Variants in ABCC4 observed in about 807,000 individuals in gnomAD.
ABCC4 encodes the protein ATP-binding cassette sub-family C member 4.
ABCC4 carries 102 observed loss-of-function variants against 168.5 expected under a neutral mutation model. The observed-to-expected ratio is 0.61, with a 90% confidence interval of 0.52 to 0.71. The LOEUF is 0.71. Ranked by LOEUF, ABCC4 falls within the 30% of genes least tolerant of loss-of-function variation. The pLI is 0.00. For missense variants in ABCC4, 1,402 were observed against 1,605.8 expected (o/e 0.87, Z 2.17); for synonymous variants, 617 against 590.7 (o/e 1.04, Z -0.65).
At chr13:95,100,903 C>G (rs2034779380) in intron 20 of ABCC4, among the ~76,000 whole-genome samples, 1 of 152,118 alleles carries the variant, frequency 6.6e-6, no homozygotes, top group Non-Finnish European at 1.5e-5. Context: ...CTCAAAATGA[C>G]AAAGTCATTG....
At chr13:95,131,637 A>C (rs2035968938) in intron 19 of ABCC4, among the ~76,000 whole-genome samples, 1 of 152,158 alleles carries the variant, frequency 6.6e-6, no homozygotes, top group South Asian at 2.1e-4. Flanking sequence ...AAAAAAAAAG[A>C]AGAGAAAAGA....
intron 20 of ABCC4, among the ~76,000 whole-genome samples, chr13:95,084,910 A>G (rs950977883): frequency 2.0e-5 from 3 of 152,214 alleles, no homozygotes; most frequent in African/African-American, 4.8e-5. Context: ...GATGATGCTC[A>G]TTTCAGTATT....
intron 9 of ABCC4, among the ~76,000 whole-genome samples, chr13:95,194,033 G>A (rs1457779861): frequency 2.0e-5 from 3 of 152,216 alleles, no homozygotes; most frequent in East Asian, 3.9e-4. Context: ...TGGTGCCATA[G>A]TAGTGGCGTC....
At chr13:95,275,612 TG>T (rs35693009) in intron 1 of ABCC4, among the ~76,000 whole-genome samples, 74,257 of 151,770 alleles carry the variant, frequency 0.49, 18,583 homozygotes, top group Non-Finnish European at 0.56. Context: ...CTCTTGGCGG[TG>T]ACTCTAGAAC....
At chr13:95,236,263 A>T (rs2039765428) in intron 3 of ABCC4, among the ~76,000 whole-genome samples, 1 of 152,216 alleles carries the variant, frequency 6.6e-6, no homozygotes, top group African/African-American at 2.4e-5. Context: ...TAGGCCCTCG[A>T]CATCATTTCC....
chr13:95,124,620 G>C lies in ABCC4; in HGVS notation c.2456-8619C>G, dbSNP rs894161054. ...ACAGTGGCTCATGCCTGTAATTCCA[G>C]CACTTTGGGAGGCAGAGGTGGGGGG... On this transcript the variant is annotated intron_variant, in intron 19 of 30. Coordinates refer to ENST00000645237, the MANE Select transcript of ABCC4 (RefSeq NM_005845.5). 3.6e-5 allele frequency among the ~76,000 whole-genome samples: 5 copies of C among 140,244 alleles called. No individual in the cohort carries two copies. In the South Asian group the frequency reaches 1.1e-3, roughly 32 times the overall value. The allele number at this position is 140,244 out of a possible 152,430, so 92.0% of individuals were successfully genotyped here. A position where few individuals can be genotyped will look rare whatever the true frequency, so the allele number is the denominator to read the frequency against.
intron 20 of ABCC4, among the ~76,000 whole-genome samples, chr13:95,109,237 A>C (rs949576207): frequency 4.6e-5 from 7 of 152,376 alleles, no homozygotes; most frequent in Middle Eastern, 3.4e-3. Context: ...GCCTGGTGTT[A>C]TATGATCCCT....
At chr13:95,082,979 C>G (rs557340025) in intron 21 of ABCC4, among the ~76,000 whole-genome samples, 161 bp downstream of exon 21, 3 of 152,100 alleles carry the variant, frequency 2.0e-5, no homozygotes, top group Admixed American at 1.3e-4. Flanking sequence ...TCCACATGCT[C>G]TAAGGGACAC....
At chr13:95,162,496 T>G (rs769840092) in intron 18 of ABCC4, among the ~76,000 whole-genome samples, 22 of 152,184 alleles carry the variant, frequency 1.4e-4, no homozygotes, top group Non-Finnish European at 3.1e-4. Flanking sequence ...AGCCAAATGT[T>G]AAATTAATCA....
intron 7 of ABCC4, among the ~76,000 whole-genome samples, chr13:95,207,317 T>C (rs4773846): frequency 0.65 from 98,910 of 152,104 alleles, 32,295 homozygotes; most frequent in African/African-American, 0.69. Flanking sequence ...CATGAGCCAC[T>C]GCGCCCAGCC....
chr13:95,271,322 C>T (rs2138881462), intron 1 of ABCC4, among the ~76,000 whole-genome samples: 1 of 152,242 alleles, frequency 6.6e-6, no homozygotes, highest in South Asian at 2.1e-4. Flanking sequence ...ACATAATCTG[C>T]CACCCTGAGT....
chr13:95,126,723 ATATATAT>A (rs2035776179), intron 19 of ABCC4, among the ~76,000 whole-genome samples: 1 of 48,046 alleles, frequency 2.1e-5, no homozygotes, highest in Non-Finnish European at 4.4e-5. Context: ...TTTTTGGAAT[ATATATAT>A]ATATATATAT....
At chr13:95,251,872 T>C (rs961225657) in intron 1 of ABCC4, among the ~76,000 whole-genome samples, 1 of 152,210 alleles carries the variant, frequency 6.6e-6, no homozygotes, top group African/African-American at 2.4e-5. Context: ...CACAGTTGAC[T>C]GAAAAGATTA....
intron 4 of ABCC4, among the ~76,000 whole-genome samples, chr13:95,228,003 C>T (rs1414538274): frequency 6.6e-6 from 1 of 152,168 alleles, no homozygotes; most frequent in East Asian, 1.9e-4. Context: ...AGCCACTGCA[C>T]CCGGCCCTGA....
chr13:95,181,011 G>A (rs2037871538), intron 11 of ABCC4, among the ~76,000 whole-genome samples: 1 of 152,230 alleles, frequency 6.6e-6, no homozygotes, highest in Non-Finnish European at 1.5e-5. Context: ...TCCTAGCCAT[G>A]ATTTTCTAGT....
rs753635232 is a variant in ABCC4, at chr13:95,064,260, GTATATATATATATATATA to G, written c.3211-1419_3211-1402del. 1.9e-4 allele frequency among the ~76,000 whole-genome samples: 4 copies of G among 21,504 alleles called. 1 individual carries two copies. Among genetic ancestry groups the G allele is most frequent in the Admixed American group, 7.4e-4 (2 of 2,718 alleles). 14.1% of individuals were successfully genotyped at this position (21,504 alleles called of 152,430 possible). A position where few individuals can be genotyped will look rare whatever the true frequency, so the allele number is the denominator to read the frequency against. On this transcript the variant is annotated intron_variant, in intron 25 of 30. Coordinates refer to ENST00000645237, the MANE Select transcript of ABCC4 (RefSeq NM_005845.5). ...GGTACATCCGGGTGTGTGTGTGTGT[GTATATATATATATATATA>G]TATATATATATATATATATACACAC...
chr13:95,025,222 C>CAT (rs1356726062), intron 30 of ABCC4, among the ~76,000 whole-genome samples: 7 of 61,844 alleles, frequency 1.1e-4, no homozygotes, highest in Admixed American at 3.7e-4. Flanking sequence ...CCCACACACC[C>CAT]CCACACACAC....
intron 4 of ABCC4, among the ~76,000 whole-genome samples, chr13:95,223,294 CAG>C (rs2039355712): frequency 6.6e-6 from 1 of 152,142 alleles, no homozygotes; most frequent in East Asian, 1.9e-4. Context: ...AAATTTAACT[CAG>C]GGCAATAAAG....
chr13:95,122,052 C>T (rs1393674696), intron 19 of ABCC4, among the ~76,000 whole-genome samples: 3 of 152,186 alleles, frequency 2.0e-5, no homozygotes, highest in African/African-American at 7.2e-5. Flanking sequence ...TTCCATAAGG[C>T]AGAGAGAAGA....
Sources: allele counts gnomAD v4.1 joint callset (sites outside exome capture counted in the v4.1 genomes callset), GRCh38; gene constraint gnomAD v4.1.1; transcripts MANE v1.5; gene names NCBI Gene and HGNC (gene_info 2026-07-23, HGNC 2026-07-21).